EXOC4: variants seen among roughly 807,000 people sequenced by gnomAD.
EXOC4 encodes exocyst complex component 4, also known as SEC8-like 1.
A neutral mutation model predicts 107.2 loss-of-function variants in EXOC4; 71 were observed. The observed-to-expected ratio is 0.66, with a 90% CI of 0.55 to 0.81. The LOEUF is 0.81. Among genes scored for constraint, EXOC4 ranks in the 30% least tolerant of loss-of-function variants. The pLI is 0.00. For missense variants in EXOC4, 1,108 were observed against 1,189.6 expected (o/e 0.93, Z 1.01); for synonymous variants, 456 against 441.2 (o/e 1.03, Z -0.42).
Position 133,518,361 on chromosome 7 carries a change from AT to A in EXOC4, c.1417+38234del, listed in dbSNP as rs367962950. Among the ~76,000 whole-genome samples the A allele has an allele frequency of 6.5e-3, 702 of 107,880 alleles. 5 individuals are homozygous for A. The highest frequency in any genetic ancestry group is 6.8e-3 in the Admixed American group (71 of 10,462). 70.8% of individuals were successfully genotyped at this position (107,880 alleles called of 152,430 possible). The stretch of plus-strand genomic sequence containing the variant: ...AGATTATTCATTCATGCCCTCTCCT[AT>A]TTTTTTTTTTCATTCTCCTAAGGTA... On this transcript the variant is annotated intron_variant, in intron 9 of 17. Coordinates refer to ENST00000253861, the MANE Select transcript of EXOC4 (RefSeq NM_021807.4).
intron 10 of EXOC4, among the ~76,000 whole-genome samples, chr7:133,801,392 G>T (rs574890966): frequency 5.3e-5 from 8 of 152,180 alleles, no homozygotes; most frequent in African/African-American, 7.2e-5. Flanking sequence ...GTATTAGGAA[G>T]ATTCAGATTG....
intron 6 of EXOC4, among the ~76,000 whole-genome samples, chr7:133,360,783 A>G (rs922559641): frequency 1.3e-5 from 2 of 152,214 alleles, no homozygotes; most frequent in Non-Finnish European, 2.9e-5. Flanking sequence ...AAATTAAATT[A>G]TTACTCAGGT....
chr7:133,554,644 G>T (rs114408799), intron 9 of EXOC4, among the ~76,000 whole-genome samples: 7 of 152,126 alleles, frequency 4.6e-5, no homozygotes, highest in African/African-American at 1.7e-4. Context: ...CCTTTCCTAG[G>T]CCTGCTGCTT....
At chr7:133,711,571 G>T (rs1398579343) in intron 10 of EXOC4, among the ~76,000 whole-genome samples, 2 of 152,180 alleles carry the variant, frequency 1.3e-5, no homozygotes, top group African/African-American at 4.8e-5. Context: ...TGTCAATCTG[G>T]GGTGTAGTTG....
chr7:133,683,575 G>A (rs1267322206), intron 10 of EXOC4, among the ~76,000 whole-genome samples: 3 of 152,098 alleles, frequency 2.0e-5, no homozygotes, highest in East Asian at 1.9e-4. Context: ...TTAATTAAGT[G>A]TTGTTTTAAG....
intron 13 of EXOC4, among the ~76,000 whole-genome samples, chr7:133,921,064 T>C (rs1326764069): frequency 6.6e-6 from 1 of 152,160 alleles, no homozygotes; most frequent in Non-Finnish European, 1.5e-5. Flanking sequence ...ACATCCACCA[T>C]CCACCATTTG....
the EXOC4 span, among the ~76,000 whole-genome samples, chr7:134,099,419 A>G: frequency 2.6e-5 from 4 of 152,000 alleles, no homozygotes; most frequent in Admixed American, 1.3e-4. Context: ...AGAGGGAAGG[A>G]AAGTCACACA....
chr7:133,456,086 T>G (rs1185735277), intron 7 of EXOC4, among the ~76,000 whole-genome samples: 1 of 152,230 alleles, frequency 6.6e-6, no homozygotes, highest in Non-Finnish European at 1.5e-5. Flanking sequence ...TCATGGAGGC[T>G]ATTTTGTAAA....
chr7:133,392,047 A>C (rs1443687785), intron 7 of EXOC4, among the ~76,000 whole-genome samples: 1 of 152,252 alleles, frequency 6.6e-6, no homozygotes, highest in Non-Finnish European at 1.5e-5. Flanking sequence ...AATACATAGT[A>C]TAAACTGAAT....
intron 17 of EXOC4, among the ~76,000 whole-genome samples, chr7:134,053,528 C>T (rs956770052): frequency 6.6e-6 from 1 of 150,836 alleles, no homozygotes; most frequent in Non-Finnish European, 1.5e-5. Flanking sequence ...TGATCTTAAC[C>T]ATTGTATATG....
intron 10 of EXOC4, among the ~76,000 whole-genome samples, chr7:133,682,734 A>T (rs1402068490): frequency 6.6e-6 from 1 of 152,188 alleles, no homozygotes; most frequent in Non-Finnish European, 1.5e-5. Context: ...CCTGCCTGCT[A>T]GTCATCTACC....
the EXOC4 span, among the ~76,000 whole-genome samples, chr7:134,074,923 T>C: frequency 1.1e-4 from 17 of 152,140 alleles, no homozygotes; most frequent in African/African-American, 3.9e-4. Flanking sequence ...AACTGGACCA[T>C]GGTCTTGAAA....
At chr7:133,845,283 A>G (rs1199566135) in intron 11 of EXOC4, among the ~76,000 whole-genome samples, 2 of 151,340 alleles carry the variant, frequency 1.3e-5, no homozygotes, top group African/African-American at 2.4e-5. Context: ...CCCTTCAGTT[A>G]AGATGTACTG....
At chr7:133,363,609 T>A (rs1182286137) in intron 6 of EXOC4, among the ~76,000 whole-genome samples, 2 of 142,542 alleles carry the variant, frequency 1.4e-5, no homozygotes, top group African/African-American at 2.6e-5. Context: ...GTGGCAAAGT[T>A]AAAAAAAAAA....
intron 14 of EXOC4, among the ~76,000 whole-genome samples, chr7:133,966,147 A>C (rs1801060362): frequency 6.6e-6 from 1 of 152,170 alleles, no homozygotes; most frequent in South Asian, 2.1e-4. Context: ...GTGTATAGGA[A>C]TGCTTGTGAT....
chr7:133,592,275 A>G (rs1337948837), intron 9 of EXOC4, among the ~76,000 whole-genome samples: 2 of 152,066 alleles, frequency 1.3e-5, no homozygotes. Flanking sequence ...CATGTTGCCT[A>G]GGCTGGTCTT....
chr7:133,941,024 T>C (rs1800414502), intron 14 of EXOC4, among the ~76,000 whole-genome samples: 1 of 151,630 alleles, frequency 6.6e-6, no homozygotes, highest in African/African-American at 2.4e-5. Flanking sequence ...TTTCTTTTTT[T>C]CTTTTTTTTT....
chr7:133,995,178 A>G (rs893871001), intron 14 of EXOC4, among the ~76,000 whole-genome samples: 5 of 152,210 alleles, frequency 3.3e-5, no homozygotes, highest in Non-Finnish European at 7.3e-5. Flanking sequence ...CAACTTAGAT[A>G]TTTTTTTAAT....
At chr7:133,508,996 G>C (rs1201199028) in intron 9 of EXOC4, among the ~76,000 whole-genome samples, 1 of 152,154 alleles carries the variant, frequency 6.6e-6, no homozygotes, top group Non-Finnish European at 1.5e-5. Flanking sequence ...AAGGCACATA[G>C]TAGAAACTGC....
Sources: gnomAD v4.1 joint callset for allele counts (sites outside exome capture counted in the v4.1 genomes callset) on GRCh38, gnomAD v4.1.1 for gene constraint, MANE v1.5 for transcripts, NCBI Gene and HGNC (gene_info 2026-07-23, HGNC 2026-07-21) for gene names.